The following LIPA variants were observed in gnomAD, a reference collection of about 807,000 sequenced individuals.
LIPA encodes the protein lysosomal acid lipase/cholesteryl ester hydrolase.
Under a neutral mutation model 40.6 loss-of-function variants are expected in LIPA, and 26 were observed. The ratio of observed to expected loss-of-function variants is 0.64; its 90% confidence interval spans 0.47 to 0.89. The LOEUF is 0.89. Ranked by LOEUF, LIPA falls within the 40% of genes least tolerant of loss-of-function variation. The probability of loss-of-function intolerance (pLI) is 0.00; values close to 1 mark genes in which losing one functional copy is unlikely to be tolerated. For synonymous variants in LIPA, 188 were observed against 168.4 expected (o/e 1.12, Z -0.90); for missense variants, 455 against 479.6 (o/e 0.95, Z 0.48).
At chr10:89,271,649 G>A (rs964560762) in intron 1 of LIPA, among the ~76,000 whole-genome samples, 1 of 152,190 alleles carries the variant, frequency 6.6e-6, no homozygotes, top group Non-Finnish European at 1.5e-5. Flanking sequence ...ATGCAGTGAG[G>A]ACTGCTAATG....
intron 1 of LIPA, among the ~76,000 whole-genome samples, chr10:89,264,799 G>T (rs1435199345): frequency 6.6e-6 from 1 of 152,232 alleles, no homozygotes; most frequent in Non-Finnish European, 1.5e-5. Context: ...GGAACTGATA[G>T]GTTGGCCCCC....
At chr10:89,383,441 T>G in intron 2 of LIPA, 1 of 1,614,216 alleles carries the variant, frequency 6.2e-7, no homozygotes, top group South Asian at 1.1e-5. Context: ...TGGGAAGAGA[T>G]TCAGTTCCTG....
intron 3 of LIPA, among the ~76,000 whole-genome samples, chr10:89,233,160 C>G (rs1842862549): frequency 6.6e-6 from 1 of 152,194 alleles, no homozygotes; most frequent in African/African-American, 2.4e-5. Flanking sequence ...CTTCCATCCC[C>G]TACTTCAAGC....
intron 1 of LIPA, among the ~76,000 whole-genome samples, chr10:89,312,210 G>A (rs1412001899): frequency 6.6e-6 from 1 of 152,158 alleles, no homozygotes; most frequent in African/African-American, 2.4e-5. Flanking sequence ...GGAGGCTGAG[G>A]TGAGCGGATT....
chr10:89,301,976 G>A, intron 1 of LIPA: 1 of 660,896 alleles, frequency 1.5e-6, no homozygotes. Context: ...TGTAACGTCA[G>A]CTGAAGGGAA....
intron 2 of LIPA, among the ~76,000 whole-genome samples, chr10:89,359,828 CACACACACACACACAA>C (rs1319869869): frequency 1.3e-5 from 2 of 151,366 alleles, no homozygotes; most frequent in Non-Finnish European, 2.9e-5. Context: ...CACACACACA[CACACACACACACACAA>C]ACACACACAC....
chr10:89,413,105 TGTTTG>T lies in LIPA; in HGVS notation c.-71-188_-71-184del, dbSNP rs1435992779. ...CCCACTTACAAGTGAGAACATGCAG[TGTTTG>T]GTTTCTGTTCCTGCATTAGTTTGCT... is the stretch of plus-strand genomic sequence containing the variant. On this transcript the variant is annotated intron_variant, in intron 1 of 8. Transcript: ENST00000371837. 1.1e-4 allele frequency among the ~76,000 whole-genome samples: 16 copies of T among 152,282 alleles called. No individual in the cohort carries two copies. The East Asian group carries it at 1.5e-3, about 15-fold the overall frequency.
intron 2 of LIPA, chr10:89,384,752 A>T: frequency 6.4e-7 from 1 of 1,560,478 alleles, no homozygotes; most frequent in Non-Finnish European, 8.7e-7. Context: ...AGAGGTCACC[A>T]TTATCCATTT....
intron 1 of LIPA, among the ~76,000 whole-genome samples, chr10:89,265,494 G>C (rs1843231320): frequency 6.6e-6 from 1 of 152,246 alleles, no homozygotes; most frequent in Admixed American, 6.5e-5. Flanking sequence ...TTTGAACAGT[G>C]TATAAGTAGC....
intron 6 of LIPA, 57 bp from the exon 7 acceptor site, chr10:89,223,887 C>T: frequency 1.3e-6 from 2 of 1,566,538 alleles, no homozygotes; most frequent in Non-Finnish European, 1.8e-6. Flanking sequence ...GTGCATAAGT[C>T]TCCGTGACTC....
chr10:89,274,069 G>T (rs1467701909), intron 1 of LIPA, among the ~76,000 whole-genome samples: 2 of 152,148 alleles, frequency 1.3e-5, no homozygotes, highest in Admixed American at 1.3e-4. Flanking sequence ...ATAGACATAA[G>T]TCACATTCCT....
chr10:89,342,792 G>C (rs1843884376), upstream of LIPA: 1 of 152,246 alleles, frequency 6.6e-6, no homozygotes, highest in South Asian at 2.1e-4. Flanking sequence ...AGCAGGGATG[G>C]GGAGCACTGA....
At chr10:89,258,844 T>C (rs1843193555) in intron 1 of LIPA, among the ~76,000 whole-genome samples, 1 of 152,236 alleles carries the variant, frequency 6.6e-6, no homozygotes, top group Non-Finnish European at 1.5e-5. Context: ...TAAAATTTGA[T>C]ATGTTCATAC....
chr10:89,280,311 A>C (rs967515394), intron 1 of LIPA, among the ~76,000 whole-genome samples: 2 of 152,220 alleles, frequency 1.3e-5, no homozygotes, highest in Non-Finnish European at 2.9e-5. Flanking sequence ...AGAAAAAAAC[A>C]AAAGGAAGAA....
chr10:89,394,137 T>C lies in LIPA; in HGVS notation c.61+18654A>G, dbSNP rs565519260. Among the ~76,000 whole-genome samples, 110 of 152,314 alleles carry C rather than the reference T, an allele frequency of 7.2e-4. 1 individual carries two copies. The highest frequency in any genetic ancestry group is 1.3e-3 in the Non-Finnish European group (88 of 68,030). On this transcript the variant is annotated intron_variant, in intron 2 of 8. Transcript: ENST00000371837. ...ATCAAACCTAGACGGTATAGCCTAC[T>C]ACACACCTAGGCTATAAACCTGTGC... is the stretch of plus-strand genomic sequence containing the variant.
intron 1 of LIPA, chr10:89,332,615 C>G (rs753354892): frequency 9.9e-6 from 16 of 1,614,120 alleles, no homozygotes; most frequent in Non-Finnish European, 1.3e-5. Flanking sequence ...TGCAGGGAAA[C>G]AGCCATCATG....
At chr10:89,321,896 A>C (rs1329675521) in intron 1 of LIPA, among the ~76,000 whole-genome samples, 8 of 152,344 alleles carry the variant, frequency 5.3e-5, no homozygotes, top group Admixed American at 4.6e-4. Context: ...GCCATAAAAA[A>C]GGATGAGTTC....
At chr10:89,353,879 T>C (rs1388840509) in intron 2 of LIPA, among the ~76,000 whole-genome samples, 1 of 151,844 alleles carries the variant, frequency 6.6e-6, no homozygotes, top group East Asian at 1.9e-4. Context: ...AGGCAGAGCT[T>C]GCAGTGAGCC....
intron 2 of LIPA, among the ~76,000 whole-genome samples, chr10:89,368,692 G>T (rs1184784361): frequency 6.6e-6 from 1 of 152,092 alleles, no homozygotes; most frequent in Non-Finnish European, 1.5e-5. Flanking sequence ...GATGGTGAGA[G>T]AAAAAAGGAA....
Sources: gnomAD v4.1 joint callset for allele counts (sites outside exome capture counted in the v4.1 genomes callset) on GRCh38, gnomAD v4.1.1 for gene constraint, MANE v1.5 for transcripts, NCBI Gene and HGNC (gene_info 2026-07-23, HGNC 2026-07-21) for gene names.